The following PDSS2 variants were observed in gnomAD, a reference collection of about 807,000 sequenced individuals.
The protein encoded by PDSS2 is decaprenyl diphosphate synthase subunit 2.
PDSS2 carries 31 observed loss-of-function variants against 44.5 expected under a neutral mutation model. That is an observed-to-expected ratio of 0.70 (90% CI 0.52 to 0.94). The LOEUF is 0.94. Ranked by LOEUF, PDSS2 falls within the 40% of genes least tolerant of loss-of-function variation. The pLI is 0.00. For synonymous variants in PDSS2, 157 were observed against 180.3 expected (o/e 0.87, Z 1.03); for missense variants, 452 against 482.2 (o/e 0.94, Z 0.59).
chr6:107,458,567 C>T (rs767178732), intron 1 of PDSS2, among the ~76,000 whole-genome samples: 14 of 151,834 alleles, frequency 9.2e-5, no homozygotes, highest in Non-Finnish European at 1.2e-4. Context: ...AATTATCTAC[C>T]TTCAGCCTCT....
intron 1 of PDSS2, among the ~76,000 whole-genome samples, chr6:107,376,060 T>C (rs1012551734): frequency 1.3e-4 from 20 of 152,216 alleles, no homozygotes; most frequent in Admixed American, 1.0e-3. Flanking sequence ...CTGTCAAAGA[T>C]CAGATAGTTG....
chr6:107,236,302 G>A (rs2114758555), intron 4 of PDSS2, among the ~76,000 whole-genome samples: 1 of 152,112 alleles, frequency 6.6e-6, no homozygotes, highest in East Asian at 1.9e-4. Flanking sequence ...ACACACAAAA[G>A]CTAAAAGAGT....
At chr6:107,276,701 C>T (rs1002987115) in intron 2 of PDSS2, among the ~76,000 whole-genome samples, 4 of 152,228 alleles carry the variant, frequency 2.6e-5, no homozygotes, top group African/African-American at 9.7e-5. Flanking sequence ...GTATGATCTC[C>T]TTGATTGATG....
intron 4 of PDSS2, among the ~76,000 whole-genome samples, chr6:107,225,615 A>G (rs1429809810): frequency 1.3e-5 from 2 of 152,118 alleles, no homozygotes; most frequent in Non-Finnish European, 2.9e-5. Context: ...TGGCTACCAC[A>G]GATGAAGTTC....
chr6:107,405,803 C>T (rs1377693385), intron 1 of PDSS2, among the ~76,000 whole-genome samples: 1 of 149,684 alleles, frequency 6.7e-6, no homozygotes, highest in Non-Finnish European at 1.5e-5. Context: ...GCCGAGATCC[C>T]GCCACTGCAC....
At chr6:107,195,359 G>A (rs1772518139) in intron 6 of PDSS2, among the ~76,000 whole-genome samples, 1 of 151,504 alleles carries the variant, frequency 6.6e-6, no homozygotes. Context: ...GTATGCACCT[G>A]TAGTCCTAGC....
chr6:107,236,822 C>A (rs111834216), intron 4 of PDSS2, among the ~76,000 whole-genome samples: 26 of 152,088 alleles, frequency 1.7e-4, no homozygotes, highest in African/African-American at 6.3e-4. Flanking sequence ...TTCACATTAC[C>A]CTCCTGTTAT....
At chr6:107,448,838 T>G (rs182556826) in intron 1 of PDSS2, among the ~76,000 whole-genome samples, 181 of 152,258 alleles carry the variant, frequency 1.2e-3, no homozygotes, top group African/African-American at 4.1e-3. Flanking sequence ...AGAAGGTGCC[T>G]CTTCACAGGG....
chr6:107,157,693 C>T (rs1554245925), intron 7 of PDSS2, among the ~76,000 whole-genome samples: 1 of 151,180 alleles, frequency 6.6e-6, no homozygotes, highest in Non-Finnish European at 1.5e-5. Flanking sequence ...TTTTTTTAGA[C>T]AGAGTCTCCC....
intron 1 of PDSS2, among the ~76,000 whole-genome samples, chr6:107,348,046 A>G (rs1778310100): frequency 6.6e-6 from 1 of 152,212 alleles, no homozygotes; most frequent in Non-Finnish European, 1.5e-5. Flanking sequence ...CTAAAAAAGT[A>G]ATAGGAGATA....
intron 1 of PDSS2, among the ~76,000 whole-genome samples, chr6:107,397,634 T>C (rs551984814): frequency 1.3e-5 from 2 of 152,336 alleles, no homozygotes; most frequent in South Asian, 2.1e-4. Context: ...CACTTTTACT[T>C]GAAAGAACAA....
At chr6:107,283,892 A>C (rs1205359621) in intron 2 of PDSS2, among the ~76,000 whole-genome samples, 2 of 151,430 alleles carry the variant, frequency 1.3e-5, no homozygotes, top group African/African-American at 4.9e-5. Flanking sequence ...AAAATTAGCC[A>C]GGCATGGTGG....
intron 1 of PDSS2, among the ~76,000 whole-genome samples, chr6:107,336,242 C>T (rs970828493): frequency 1.5e-5 from 2 of 136,550 alleles, no homozygotes; most frequent in East Asian, 2.1e-4. Context: ...GGTGACAGAG[C>T]GAGATTCCGT....
At chr6:107,238,605 AG>A (rs1774309962) in intron 4 of PDSS2, among the ~76,000 whole-genome samples, 1 of 152,176 alleles carries the variant, frequency 6.6e-6, no homozygotes, top group Non-Finnish European at 1.5e-5. Flanking sequence ...CTTAGTGGTG[AG>A]GGTTTTTATT....
rs1033207715 is a variant in PDSS2, at chr6:107,434,565, T to C, written c.296+24425A>G. Among the ~76,000 whole-genome samples the C allele has an allele frequency of 3.9e-5, 6 of 152,232 alleles. No individual in the cohort carries two copies. The South Asian group carries it at 6.2e-4, about 16-fold the overall frequency. On this transcript the variant is annotated intron_variant, in intron 1 of 7. Transcript: ENST00000369037. ...GTAAAAATTAAAACAATTGAACTTATGGAAACAGAGTAGAATGATAGTTAC... is the reference window on the plus strand; with the variant it reads ...GTAAAAATTAAAACAATTGAACTTACGGAAACAGAGTAGAATGATAGTTAC...
Position 107,231,395 on chromosome 6 carries a change from A to G in PDSS2, c.702+14153T>C, listed in dbSNP as rs148474935. Among the ~76,000 whole-genome samples the G allele has an allele frequency of 3.1e-3, 472 of 152,264 alleles. 3 individuals are homozygous for G. The highest frequency in any genetic ancestry group is 0.01 in the African/African-American group (428 of 41,558). On this transcript the variant is annotated intron_variant, in intron 4 of 7. Coordinates refer to ENST00000369037, the MANE Select transcript of PDSS2 (RefSeq NM_020381.4). ...ACATCAGTTGTAAATGACTTAATAA[A>G]TTGAAAGGTAGGATACCTGCTGAAC...
chr6:107,326,104 CTTTTTTTTTTTT>C, intron 2 of PDSS2, among the ~76,000 whole-genome samples: 1 of 136,226 alleles, frequency 7.3e-6, no homozygotes, highest in South Asian at 2.4e-4. Context: ...TTTCTTTTTT[CTTTTTTTTTTTT>C]TTTTGAGACA....
chr6:107,327,752 C>T (rs1034102854), intron 2 of PDSS2, among the ~76,000 whole-genome samples: 4 of 152,202 alleles, frequency 2.6e-5, no homozygotes, highest in African/African-American at 9.6e-5. Context: ...CCATGGTGCC[C>T]GGTCAACACT....
At chr6:107,442,606 T>A (rs2114811824) in intron 1 of PDSS2, among the ~76,000 whole-genome samples, 1 of 152,268 alleles carries the variant, frequency 6.6e-6, no homozygotes, top group African/African-American at 2.4e-5. Context: ...CCTAACCCAT[T>A]CCTAACTTCA....
Sources: allele counts gnomAD v4.1 joint callset (sites outside exome capture counted in the v4.1 genomes callset), GRCh38; gene constraint gnomAD v4.1.1; transcripts MANE v1.5; gene names NCBI Gene and HGNC (gene_info 2026-07-23, HGNC 2026-07-21).